RCAN2: variants seen among roughly 807,000 people sequenced by gnomAD.
RCAN2 encodes the protein calcipressin-2.
RCAN2 carries 9 observed loss-of-function variants against 23.6 expected under a neutral mutation model. That is an observed-to-expected ratio of 0.38 (90% CI 0.23 to 0.67). RCAN2 has a LOEUF of 0.67. Among genes scored for constraint, RCAN2 ranks in the 30% least tolerant of loss-of-function variants. The probability of loss-of-function intolerance (pLI) is 0.51; values close to 1 mark genes in which losing one functional copy is unlikely to be tolerated. For missense variants in RCAN2, 273 were observed against 302.3 expected, an observed-to-expected ratio of 0.90 and a Z score of 0.72; for synonymous variants, 109 against 115.7, an observed-to-expected ratio of 0.94 and a Z score of 0.37.
intron 1 of RCAN2, among the ~76,000 whole-genome samples, chr6:46,482,189 C>T (rs1256150087): frequency 6.6e-6 from 1 of 151,990 alleles, no homozygotes; most frequent in African/African-American, 2.4e-5. Context: ...TGCTCATCAA[C>T]TGACCTCAAA....
intron 2 of RCAN2, among the ~76,000 whole-genome samples, chr6:46,391,580 T>C (rs1765940958): frequency 6.6e-6 from 1 of 152,198 alleles, no homozygotes; most frequent in African/African-American, 2.4e-5. Context: ...TCTATGTTTC[T>C]TGGGGGCTAC....
intron 2 of RCAN2, among the ~76,000 whole-genome samples, chr6:46,282,561 G>A (rs1006637093): frequency 1.3e-5 from 2 of 152,142 alleles, no homozygotes; most frequent in Non-Finnish European, 2.9e-5. Flanking sequence ...AAATTTCTCT[G>A]AAAAGATGAC....
At chr6:46,308,049 G>A (rs1381495908) in intron 2 of RCAN2, among the ~76,000 whole-genome samples, 2 of 152,204 alleles carry the variant, frequency 1.3e-5, no homozygotes, top group African/African-American at 4.8e-5. Flanking sequence ...CAAAGATGCT[G>A]TGAGAAGGCC....
intron 2 of RCAN2, among the ~76,000 whole-genome samples, chr6:46,437,272 C>T (rs193189851): frequency 1.2e-4 from 19 of 152,278 alleles, no homozygotes. Flanking sequence ...ATACAGTTTA[C>T]AGTTTAGATG....
chr6:46,259,802 A>T (rs1354134842), intron 2 of RCAN2, among the ~76,000 whole-genome samples: 1 of 152,192 alleles, frequency 6.6e-6, no homozygotes, highest in Non-Finnish European at 1.5e-5. Context: ...CTCAGGTTCG[A>T]TCATTTGCTA....
chr6:46,439,413 C>T (rs965625751), intron 2 of RCAN2, among the ~76,000 whole-genome samples: 2 of 152,156 alleles, frequency 1.3e-5, no homozygotes, highest in African/African-American at 4.8e-5. Context: ...AGTTTATGTG[C>T]ATGTTGTGTT....
intron 2 of RCAN2, among the ~76,000 whole-genome samples, chr6:46,353,670 CTTCACTGA>C (rs968984926): frequency 4.6e-5 from 7 of 152,128 alleles, no homozygotes; most frequent in Non-Finnish European, 1.0e-4. Flanking sequence ...ACTCCCACTG[CTTCACTGA>C]TTAATACCTA....
At chr6:46,268,355 G>C (rs967515709) in intron 2 of RCAN2, among the ~76,000 whole-genome samples, 4 of 152,146 alleles carry the variant, frequency 2.6e-5, no homozygotes, top group Non-Finnish European at 2.9e-5. Flanking sequence ...TAGCAAATGT[G>C]TTCTTTAATA....
chr6:46,299,572 G>C (rs1762837236), intron 2 of RCAN2, among the ~76,000 whole-genome samples: 2 of 151,938 alleles, frequency 1.3e-5, no homozygotes, highest in African/African-American at 4.8e-5. Flanking sequence ...CTACTAAGAA[G>C]GCTTTCTTCC....
chr6:46,393,805 A>C (rs950204471), intron 2 of RCAN2, among the ~76,000 whole-genome samples: 1 of 152,032 alleles, frequency 6.6e-6, no homozygotes, highest in Admixed American at 6.6e-5. Flanking sequence ...CCTCCACCTG[A>C]AGCTTGCTTG....
chr6:46,436,301 C>G (rs1405176549), intron 2 of RCAN2, among the ~76,000 whole-genome samples: 1 of 152,236 alleles, frequency 6.6e-6, no homozygotes, highest in South Asian at 2.1e-4. Flanking sequence ...CAACCTCCAC[C>G]TCCTGGGTTC....
chr6:46,277,939 T>C (rs1049083963), intron 2 of RCAN2, among the ~76,000 whole-genome samples: 2 of 152,152 alleles, frequency 1.3e-5, no homozygotes, highest in Non-Finnish European at 2.9e-5. Context: ...TGAACCTGAC[T>C]TGACATTAGA....
At chr6:46,312,809 G>A (rs1046330473) in intron 2 of RCAN2, among the ~76,000 whole-genome samples, 8 of 152,152 alleles carry the variant, frequency 5.3e-5, no homozygotes, top group African/African-American at 1.9e-4. Context: ...TACTGCAGCC[G>A]CCTCCTCATC....
intron 3 of RCAN2, among the ~76,000 whole-genome samples, chr6:46,247,570 C>T (rs1010219450): frequency 1.3e-5 from 2 of 152,222 alleles, no homozygotes; most frequent in Non-Finnish European, 2.9e-5. Flanking sequence ...TTTACCTGTT[C>T]TTGATATGTC....
intron 2 of RCAN2, among the ~76,000 whole-genome samples, chr6:46,343,322 C>T (rs1012804744): frequency 6.6e-6 from 1 of 151,706 alleles, no homozygotes; most frequent in Non-Finnish European, 1.5e-5. Context: ...TGAAGGTAAA[C>T]CCTTATGTAT....
chr6:46,240,826 A>G (rs1335094451), intron 4 of RCAN2, among the ~76,000 whole-genome samples: 1 of 152,220 alleles, frequency 6.6e-6, no homozygotes, highest in Admixed American at 6.5e-5. Context: ...ACCAAGCAGT[A>G]ACACCAGCAA....
chr6:46,362,295 G>C lies in RCAN2; in HGVS notation c.225+94457C>G, dbSNP rs574374599. Among the ~76,000 whole-genome samples, 4 of 152,106 alleles carry C rather than the reference G, an allele frequency of 2.6e-5. No individual in the cohort carries two copies. The East Asian group carries it at 5.8e-4, about 22-fold the overall frequency. On this transcript the variant is annotated intron_variant, in intron 2 of 4. Transcript: ENST00000371374. The stretch of plus-strand genomic sequence containing the variant: ...AGTGAATTCAAACAGTTTGGATGTC[G>C]TTTAAGAGAAATGAATGAATCAGCT...
chr6:46,378,666 T>C (rs1030254278), intron 2 of RCAN2, among the ~76,000 whole-genome samples: 1 of 152,192 alleles, frequency 6.6e-6, no homozygotes, highest in African/African-American at 2.4e-5. Flanking sequence ...TCAGGGGGGT[T>C]AGTCACATGG....
intron 2 of RCAN2, among the ~76,000 whole-genome samples, chr6:46,377,834 C>A (rs2150392118): frequency 6.6e-6 from 1 of 152,266 alleles, no homozygotes; most frequent in South Asian, 2.1e-4. Flanking sequence ...TGAGTTCAAA[C>A]CCACATGAAA....
Sources: gnomAD v4.1 joint callset for allele counts (sites outside exome capture counted in the v4.1 genomes callset) on GRCh38, gnomAD v4.1.1 for gene constraint, MANE v1.5 for transcripts, NCBI Gene and HGNC (gene_info 2026-07-23, HGNC 2026-07-21) for gene names.